UNK: variants seen among roughly 807,000 people sequenced by gnomAD.
The protein encoded by UNK is unk zinc finger, also known as RING finger protein unkempt homolog.
A neutral mutation model predicts 97.6 loss-of-function variants in UNK; 32 were observed. The ratio of observed to expected loss-of-function variants is 0.33; its 90% CI spans 0.25 to 0.44. The LOEUF (loss-of-function observed/expected upper bound fraction) is 0.44. UNK is among the 20% of genes least tolerant of loss of function. UNK has a pLI of 1.00. For missense variants in UNK, 771 were observed against 1,098.4 expected (o/e 0.70, Z 4.21); for synonymous variants, 441 against 461.2 (o/e 0.96, Z 0.56).
At chr17:75,796,163 C>T (rs547707855) in intron 1 of UNK, among the ~76,000 whole-genome samples, 215 of 152,264 alleles carry the variant, frequency 1.4e-3, no homozygotes, top group African/African-American at 4.6e-3. Flanking sequence ...GACACACTTA[C>T]AAATTCACCA....
chr17:75,805,659 C>T (rs571346667), intron 1 of UNK, among the ~76,000 whole-genome samples: 30 of 151,442 alleles, frequency 2.0e-4, no homozygotes, highest in African/African-American at 2.7e-4. Flanking sequence ...TTTAGCTGGG[C>T]ATGGGGGCAC....
intron 1 of UNK, among the ~76,000 whole-genome samples, chr17:75,797,725 T>C (rs2061819613): frequency 6.6e-6 from 1 of 152,200 alleles, no homozygotes; most frequent in South Asian, 2.1e-4. Context: ...AGGTGTTTCC[T>C]CACTGGCCGC....
chr17:75,792,331 G>A (rs2061770019), intron 1 of UNK: 2 of 985,306 alleles, frequency 2.0e-6, no homozygotes, highest in South Asian at 9.4e-5. Flanking sequence ...GATACTAAAG[G>A]AGGTTTTCCC....
At chr17:75,812,614 C>A in intron 4 of UNK, 29 bp downstream of exon 4, 1 of 1,606,270 alleles carries the variant, frequency 6.2e-7, no homozygotes, top group Non-Finnish European at 8.5e-7. Context: ...CGGCCGCGCC[C>A]TCCCTATAAT....
chr17:75,812,948 C>CA, intron 4 of UNK, 130 bp from the exon 5 acceptor site: 1 of 1,318,974 alleles, frequency 7.6e-7, no homozygotes, highest in Non-Finnish European at 1.0e-6. Flanking sequence ...GGGCCCTACT[C>CA]ACATCTGGCA....
At chr17:75,798,315 C>G (rs1159680995) in intron 1 of UNK, among the ~76,000 whole-genome samples, 1 of 151,896 alleles carries the variant, frequency 6.6e-6, no homozygotes, top group African/African-American at 2.4e-5. Context: ...GTGATCCCCC[C>G]ACCTCAGCCT....
chr17:75,793,371 A>G (rs2061779184), intron 1 of UNK: 1 of 967,168 alleles, frequency 1.0e-6, no homozygotes, highest in African/African-American at 1.8e-5. Context: ...ATATTAGTTC[A>G]AGTAATCACA....
At chr17:75,821,293 G>GT in intron 13 of UNK, 1 of 437,208 alleles carries the variant, frequency 2.3e-6, no homozygotes, top group Non-Finnish European at 4.6e-6. Context: ...GAGCACAGGT[G>GT]TATTGATACA....
At chr17:75,791,942 C>G in intron 1 of UNK, 1 of 985,310 alleles carries the variant, frequency 1.0e-6, no homozygotes, top group Non-Finnish European at 1.2e-6. Flanking sequence ...CAAATAGCAC[C>G]CCAGATAAGT....
At chr17:75,792,342 A>G (rs892749396) in intron 1 of UNK, 11 of 985,202 alleles carry the variant, frequency 1.1e-5, no homozygotes, top group Admixed American at 6.2e-5. Context: ...AGGTTTTCCC[A>G]CTATCCGTAT....
intron 1 of UNK, chr17:75,792,594 AC>A: frequency 2.3e-5 from 14 of 605,310 alleles, no homozygotes; most frequent in Non-Finnish European, 2.9e-5. Context: ...TTGTTTTCTT[AC>A]CATATAGATA....
chr17:75,802,936 C>T (rs2061874786), intron 1 of UNK, among the ~76,000 whole-genome samples: 1 of 144,704 alleles, frequency 6.9e-6, no homozygotes, highest in Non-Finnish European at 1.5e-5. Flanking sequence ...ACCACCCTGG[C>T]CAACATGGTG....
chr17:75,809,627 C>T (rs1388439060), intron 1 of UNK, 133 bp from the exon 2 acceptor site: 6 of 914,954 alleles, frequency 6.6e-6, no homozygotes, highest in African/African-American at 5.0e-5. Flanking sequence ...AGCTCTGGGT[C>T]TCTCCTGGTG....
intron 1 of UNK, among the ~76,000 whole-genome samples, chr17:75,798,260 C>T (rs772574600): frequency 9.9e-5 from 15 of 151,976 alleles, no homozygotes; most frequent in African/African-American, 1.7e-4. Flanking sequence ...TTAGTAGAGA[C>T]GGGGTTTCGC....
intron 13 of UNK, chr17:75,821,801 C>T (rs773864085): frequency 4.5e-5 from 20 of 446,062 alleles, no homozygotes; most frequent in African/African-American, 2.2e-4. Context: ...ATCTGTTGAG[C>T]GAGTGAGCAG....
At chr17:75,806,737 C>T (rs1055184650) in intron 1 of UNK, among the ~76,000 whole-genome samples, 2 of 152,148 alleles carry the variant, frequency 1.3e-5, no homozygotes, top group Non-Finnish European at 2.9e-5. Context: ...TGCGCCACTG[C>T]ACTCTAGCCC....
chr17:75,823,749 CT>C (rs1475088722), intron 15 of UNK, among the ~76,000 whole-genome samples: 2 of 152,172 alleles, frequency 1.3e-5, no homozygotes, highest in African/African-American at 4.8e-5. Context: ...CCCAGCACCC[CT>C]GAGGGCGGCC....
Position 75,817,569 on chromosome 17 carries a change from C to G in UNK, c.1305+43C>G. ...CAGCAGTGAGGTTAGCCTTCTCCTG[C>G]GTGGGGCAAGAGAATCTTGGAGGAG... is the stretch of plus-strand genomic sequence containing the variant. On this transcript the variant is annotated intron_variant, in intron 9 of 15. Coordinates refer to ENST00000589666, the MANE Select transcript of UNK (RefSeq NM_001080419.3). This position sits in a 1 kb window ranked among gnomAD's most constrained non-coding sequence, Gnocchi z 5.8. 6.5e-7 allele frequency: 1 copy of G among 1,534,574 alleles called. No individual in the cohort carries two copies. Among genetic ancestry groups the G allele is most frequent in the Non-Finnish European group, 8.8e-7 (1 of 1,135,380 alleles).
At chr17:75,813,006 A>C (rs1599381784) in intron 4 of UNK, 72 bp from the exon 5 acceptor site, 13 of 1,485,990 alleles carry the variant, frequency 8.7e-6, no homozygotes, top group Middle Eastern at 1.7e-4. Flanking sequence ...CCTTCCCTCC[A>C]CTCCAGTCCT....
Sources: allele counts gnomAD v4.1 joint callset (sites outside exome capture counted in the v4.1 genomes callset), GRCh38; gene constraint gnomAD v4.1.1; non-coding constraint Gnocchi (gnomAD v3.1); transcripts MANE v1.5; gene names NCBI Gene and HGNC (gene_info 2026-07-23, HGNC 2026-07-21).